OPRM1: variants seen among roughly 807,000 people sequenced by gnomAD.
The protein encoded by OPRM1 is mu-type opioid receptor.
A neutral mutation model predicts 31.8 loss-of-function variants in OPRM1; 27 were observed. The observed-to-expected ratio is 0.85, with a 90% confidence interval of 0.63 to 1.17. The LOEUF (loss-of-function observed/expected upper bound fraction) is 1.17, where lower values mean the gene tolerates loss of function less well. Among genes scored for constraint, OPRM1 ranks in the 50% most tolerant of loss-of-function variants. OPRM1 has a pLI of 0.00. For synonymous variants in OPRM1, 196 were observed against 189.9 expected, an observed-to-expected ratio of 1.03 and a Z score of -0.26; for missense variants, 536 against 511.1, an observed-to-expected ratio of 1.05 and a Z score of -0.47.
chr6:154,165,655 A>G (rs770836073), intron 3 of OPRM1, among the ~76,000 whole-genome samples: 1 of 152,210 alleles, frequency 6.6e-6, no homozygotes, highest in African/African-American at 2.4e-5. Context: ...CGGGCCCCCA[A>G]TCTTCTCTGC....
chr6:154,019,054 C>T (rs1175278258), intron 1 of OPRM1, among the ~76,000 whole-genome samples: 1 of 151,982 alleles, frequency 6.6e-6, no homozygotes, highest in African/African-American at 2.4e-5. Flanking sequence ...GTAATAATCA[C>T]ATCATGCCAA....
chr6:154,212,806 T>C, intron 3 of OPRM1: 1 of 1,613,794 alleles, frequency 6.2e-7, no homozygotes, highest in Non-Finnish European at 8.5e-7. Flanking sequence ...GAGGGGGTGG[T>C]GTCTCCGCAG....
intron 3 of OPRM1, among the ~76,000 whole-genome samples, chr6:154,179,405 T>C (rs769752631): frequency 6.6e-6 from 1 of 152,082 alleles, no homozygotes; most frequent in Non-Finnish European, 1.5e-5. Context: ...ATTTCTCTTA[T>C]CTTACAAGAT....
At position 154,130,517 on chromosome 6, in the gene OPRM1, C is replaced by T; in HGVS notation, c.*11796C>T. 6.6e-6 allele frequency among the ~76,000 whole-genome samples: 1 copy of T among 151,988 alleles called. No individual in the cohort carries two copies. Among genetic ancestry groups the T allele is most frequent in the Non-Finnish European group, 1.5e-5 (1 of 68,002 alleles). ...CTTGAATCCATAAAATTCAATGCTA[C>T]CATTTATAATTTAATACTCCTACCA... On this transcript the variant is annotated 3_prime_UTR_variant, in exon 4 of 4. Coordinates refer to ENST00000330432, the MANE Select transcript of OPRM1 (RefSeq NM_000914.5).
At chr6:154,117,885 G>GTGTGTGTGTGTA (rs1407802993) in intron 3 of OPRM1, among the ~76,000 whole-genome samples, 2 of 151,374 alleles carry the variant, frequency 1.3e-5, no homozygotes, top group East Asian at 1.9e-4. Flanking sequence ...GTGTGTGTGT[G>GTGTGTGTGTGTA]TGTATGAGAG....
chr6:154,217,477 G>A (rs1309285378), intron 3 of OPRM1: 1 of 150,018 alleles, frequency 6.7e-6, no homozygotes, highest in Non-Finnish European at 1.5e-5. Flanking sequence ...AGAAACAAAA[G>A]CTCATGGCAC....
rs904661952 is a variant in OPRM1, at chr6:154,124,459, A to C, written c.*5738A>C. Reference sequence around the variant, plus strand: ...CTTAAACTTTACAAAATCACAGAAGAAGTTGTTTTCCATAGGTGTGGGGTG... The same window carrying C: ...CTTAAACTTTACAAAATCACAGAAGCAGTTGTTTTCCATAGGTGTGGGGTG... On this transcript the variant is annotated 3_prime_UTR_variant, in exon 4 of 4. Transcript: ENST00000330432. 7.2e-5 allele frequency among the ~76,000 whole-genome samples: 11 copies of C among 152,162 alleles called. No homozygotes were observed. The highest frequency in any genetic ancestry group is 2.7e-4 in the African/African-American group (11 of 41,438).
intron 1 of OPRM1, among the ~76,000 whole-genome samples, chr6:154,051,505 G>A (rs1782191080): frequency 6.6e-6 from 1 of 152,158 alleles, no homozygotes; most frequent in South Asian, 2.1e-4. Context: ...ATTGCATGAA[G>A]AGTGATGGCT....
intron 1 of OPRM1, among the ~76,000 whole-genome samples, chr6:154,060,369 T>C (rs1303563134): frequency 6.6e-6 from 1 of 152,152 alleles, no homozygotes; most frequent in Non-Finnish European, 1.5e-5. Flanking sequence ...CCCAGCAAAG[T>C]AGTGGAAACT....
intron 3 of OPRM1, among the ~76,000 whole-genome samples, chr6:154,184,550 T>C (rs1801172009): frequency 6.6e-6 from 1 of 152,060 alleles, no homozygotes; most frequent in African/African-American, 2.4e-5. Flanking sequence ...TGTATATATA[T>C]ATATGCGCAT....
chr6:154,245,579 T>C (rs959057370), intron 3 of OPRM1, among the ~76,000 whole-genome samples: 1 of 152,252 alleles, frequency 6.6e-6, no homozygotes, highest in Non-Finnish European at 1.5e-5. Flanking sequence ...TTACATGATG[T>C]ACAGCTCTGT....
At chr6:154,172,836 A>G (rs930498930) in intron 3 of OPRM1, among the ~76,000 whole-genome samples, 4 of 152,354 alleles carry the variant, frequency 2.6e-5, no homozygotes, top group South Asian at 4.1e-4. Context: ...TCGATCTCTG[A>G]TAACGGACAG....
chr6:154,082,650 C>A (rs1051485891), intron 1 of OPRM1, among the ~76,000 whole-genome samples: 2 of 151,980 alleles, frequency 1.3e-5, no homozygotes, highest in African/African-American at 2.4e-5. Context: ...TATAAAATTC[C>A]CAGATCATAA....
intron 1 of OPRM1, among the ~76,000 whole-genome samples, chr6:154,032,175 A>G (rs1779045396): frequency 1.3e-5 from 2 of 152,218 alleles, no homozygotes; most frequent in African/African-American, 4.8e-5. Flanking sequence ...TGAATGTGGG[A>G]AAGGCAGTGA....
intron 1 of OPRM1, among the ~76,000 whole-genome samples, chr6:154,082,105 C>G (rs1333835133): frequency 1.3e-5 from 2 of 152,162 alleles, no homozygotes; most frequent in African/African-American, 4.8e-5. Flanking sequence ...TGAACTGGCA[C>G]AGCAAAAACA....
intron 3 of OPRM1, chr6:154,091,835 C>T: frequency 9.9e-7 from 1 of 1,008,258 alleles, no homozygotes; most frequent in Non-Finnish European, 1.2e-6. Context: ...ATAGATGTTG[C>T]TGCAATACCC....
At chr6:154,220,255 T>C (rs773173446) in intron 3 of OPRM1, among the ~76,000 whole-genome samples, 16 of 152,162 alleles carry the variant, frequency 1.1e-4, no homozygotes, top group African/African-American at 2.9e-4. Flanking sequence ...ATATTTTCAA[T>C]TGGTCATGTG....
chr6:154,032,000 G>A (rs774883700), intron 1 of OPRM1, among the ~76,000 whole-genome samples: 8 of 152,118 alleles, frequency 5.3e-5, no homozygotes, highest in Non-Finnish European at 1.2e-4. Flanking sequence ...ATCAGCAAGG[G>A]CACAGTCTGA....
At chr6:154,046,986 T>G (rs1294678370) in intron 1 of OPRM1, among the ~76,000 whole-genome samples, 2 of 152,162 alleles carry the variant, frequency 1.3e-5, no homozygotes, top group South Asian at 2.1e-4. Context: ...GCCCTTTGGA[T>G]TCTATATAAG....
Sources: allele counts gnomAD v4.1 joint callset (sites outside exome capture counted in the v4.1 genomes callset), GRCh38; gene constraint gnomAD v4.1.1; transcripts MANE v1.5; gene names NCBI Gene and HGNC (gene_info 2026-07-23, HGNC 2026-07-21).